ZCRB1: variants seen among roughly 807,000 people sequenced by gnomAD.
The protein encoded by ZCRB1 is zinc finger CCHC-type and RNA binding motif containing 1, also known as zinc finger CCHC-type and RNA-binding motif-containing protein 1.
A neutral mutation model predicts 29.9 loss-of-function variants in ZCRB1; 21 were observed. The observed-to-expected ratio is 0.70, with a 90% CI of 0.50 to 1.01. The LOEUF (loss-of-function observed/expected upper bound fraction) is 1.01. ZCRB1 is among the 50% of genes least tolerant of loss of function. The pLI is 0.00. For missense variants in ZCRB1, 204 were observed against 253.3 expected, an observed-to-expected ratio of 0.81 and a Z score of 1.32; for synonymous variants, 77 against 80.0, an observed-to-expected ratio of 0.96 and a Z score of 0.20.
intron 7 of ZCRB1, 55 bp downstream of exon 7, chr12:42,313,635 C>G (rs3761677): frequency 0.35 from 546,695 of 1,568,012 alleles, 99,348 homozygotes; most frequent in Non-Finnish European, 0.37. Flanking sequence ...AGTAAGCAAG[C>G]ACTATAAACC....
At chr12:42,320,039 A>G (rs1592103436) in intron 3 of ZCRB1, among the ~76,000 whole-genome samples, 1 of 151,936 alleles carries the variant, frequency 6.6e-6, no homozygotes, top group East Asian at 1.9e-4. Flanking sequence ...TGGTAACAGA[A>G]AAAAAAAATT....
In ZCRB1 at chr12:42,317,879, TA is replaced by T. The variant is rs759988364; in HGVS notation, c.132del (p.Asp44GlufsTer28). 1 of 1,613,728 alleles carries T rather than the reference TA, an allele frequency of 6.2e-7. No individual in the cohort carries two copies. The highest frequency in any genetic ancestry group is 2.2e-5 in the East Asian group (1 of 44,828). On this transcript the variant is annotated frameshift_variant, in exon 4 of 8. Coordinates refer to ENST00000266529, the MANE Select transcript of ZCRB1 (RefSeq NM_033114.4). LOFTEE classifies it high-confidence loss of function. ...ACCCCTTTACTCTTCCTGGTATCTT[TA>T]TCTTTCATGATGGTAACCCTTAAAG... ...GKVVKVTIMK[D>X]KDTRKSKGVA...
At chr12:42,321,695 A>C (rs536287812) in intron 3 of ZCRB1, among the ~76,000 whole-genome samples, 175 of 152,376 alleles carry the variant, frequency 1.1e-3, no homozygotes, top group African/African-American at 3.9e-3. Flanking sequence ...ATGGAACACT[A>C]GAAGAAATTA....
At chr12:42,317,998 A>G in intron 3 of ZCRB1, 100 bp from the exon 4 acceptor site, 1 of 872,802 alleles carries the variant, frequency 1.1e-6, no homozygotes, top group East Asian at 2.7e-5. Flanking sequence ...AATTTATAAG[A>G]TAAATTAATA....
In ZCRB1 at chr12:42,313,981, A is replaced by C; in HGVS notation, c.339T>G (p.Ser113Arg). 2.5e-6 allele frequency: 4 copies of C among 1,585,060 alleles called. No individual in the cohort carries two copies. The highest frequency in any genetic ancestry group is 3.4e-6 in the Non-Finnish European group (4 of 1,173,604). The change falls in exon 6 of 8, where the codon AGT becomes AGG. Residue 113 changes from serine to arginine, a missense_variant. Coordinates refer to ENST00000266529, the MANE Select transcript of ZCRB1 (RefSeq NM_033114.4). The part of the protein sequence containing the change: ...DKSKCYECGE[S>R]GHLSYACPKN... ...TCGGACAGGCATAACTTAAGTGTCC[A>C]CTTTCCTTTTGTTTCCCATTAAAAA... is the stretch of plus-strand genomic sequence containing the variant.
intron 1 of ZCRB1, 99 bp from the exon 2 acceptor site, chr12:42,324,203 C>CT: frequency 9.2e-7 from 1 of 1,090,492 alleles, no homozygotes; most frequent in Non-Finnish European, 1.4e-6. Flanking sequence ...GGCTGGGGTG[C>CT]AATGGCGTGA....
rs1189200648 is a variant in ZCRB1, at chr12:42,318,914, G to T, written c.114-1016C>A. On this transcript the variant is annotated intron_variant, in intron 3 of 7. Transcript: ENST00000266529. Reference sequence around the variant, plus strand: ...AAATTATAAGCCACAGAGAAGGTAGGAATTTATAATTCTTACTGATAAAAG... The same window carrying T: ...AAATTATAAGCCACAGAGAAGGTAGTAATTTATAATTCTTACTGATAAAAG... 3.3e-5 allele frequency among the ~76,000 whole-genome samples: 5 copies of T among 152,090 alleles called. No individual in the cohort carries two copies. In the East Asian group the frequency reaches 9.6e-4, roughly 29 times the overall value.
rs201857485 is a variant in ZCRB1, at chr12:42,313,162, G to A, written c.559C>T (p.Pro187Ser). Residue 187 changes from proline (P) to serine (S), a missense_variant, in exon 8 of 8, where the codon CCC becomes TCC. Transcript: ENST00000266529. ...GATGTTGAGGGGACTCCTGAACTGG[G>A]TTTCCATTTTTTTTGTTCTTCTTCA... The part of the protein sequence containing the change: ...KIEEEQKKWK[P>S]SSGVPSTSDD... The A allele has an allele frequency of 3.1e-6, 5 of 1,610,974 alleles. No homozygotes were observed. The East Asian group carries it at 1.1e-4, about 36-fold the overall frequency.
Position 42,312,095 on chromosome 12 carries a change from A to G in ZCRB1, c.*972T>C, listed in dbSNP as rs2068572137. 6.6e-6 allele frequency: 1 copy of G among 152,266 alleles called. No individual in the cohort carries two copies. The highest frequency in any genetic ancestry group is 3.4e-3 in the Middle Eastern group (1 of 294). 9.4% of individuals were successfully genotyped at this position (152,266 alleles called of 1,614,324 possible). Reference sequence around the variant, plus strand: ...ACACAAGATTTTATAATGAAATTTCAAATATCTTTTTAATATATTTTTTCT... The same window carrying G: ...ACACAAGATTTTATAATGAAATTTCGAATATCTTTTTAATATATTTTTTCT... On this transcript the variant is annotated 3_prime_UTR_variant, in exon 8 of 8. Coordinates refer to ENST00000266529, the MANE Select transcript of ZCRB1 (RefSeq NM_033114.4).
intron 3 of ZCRB1, among the ~76,000 whole-genome samples, chr12:42,321,407 AGAT>A (rs1159926462): frequency 6.6e-6 from 1 of 152,230 alleles, no homozygotes; most frequent in African/African-American, 2.4e-5. Flanking sequence ...TATAATACTG[AGAT>A]GATAATAGTA....
chr12:42,313,932 G>T lies in ZCRB1; in HGVS notation c.388C>A (p.Pro130Thr), dbSNP rs201228966. Residue 130 changes from proline to threonine, a missense_variant, in exon 6 of 8, where the codon CCT (proline) becomes ACT (threonine). Coordinates refer to ENST00000266529, the MANE Select transcript of ZCRB1 (RefSeq NM_033114.4). The stretch of plus-strand genomic sequence containing the variant: ...TTCTTTTTTTCTTTCTTCTTTGGAG[G>T]CTCACGTTCTCCGAGCATATTTTTC... ...CPKNMLGERE[P>T]PKKKEKKKKK... 6.2e-7 allele frequency: 1 copy of T among 1,604,454 alleles called. No homozygotes were observed.
At chr12:42,323,974 G>T in intron 2 of ZCRB1, 45 bp downstream of exon 2, 2 of 1,508,134 alleles carry the variant, frequency 1.3e-6, no homozygotes, top group Non-Finnish European at 1.8e-6. Context: ...TTTGCTTAAG[G>T]TTATCTGTAT....
At chr12:42,317,211 A>G (rs2068598775) in intron 5 of ZCRB1, 129 bp downstream of exon 5, 2 of 627,410 alleles carry the variant, frequency 3.2e-6, no homozygotes, top group Non-Finnish European at 5.2e-6. Context: ...AAAAAAATAA[A>G]TATTAAAAAA....
rs202231010 is a variant in ZCRB1, at chr12:42,322,450, A to C, written c.85-4T>G. 2.7e-6 allele frequency: 4 copies of C among 1,490,854 alleles called. No individual in the cohort carries two copies. The highest frequency in any genetic ancestry group is 2.7e-6 in the Non-Finnish European group (3 of 1,104,950). The allele number at this position is 1,490,854 out of a possible 1,614,324, so 92.4% of individuals were successfully genotyped here. On this transcript the variant is annotated splice_polypyrimidine_tract_variant and splice_region_variant and intron_variant, in intron 2 of 7. Transcript: ENST00000266529. ...CTTTGCCATACTTGGAAAATATCTG[A>C]AACAAAAGACCAAATATTTACAATT...
chr12:42,317,502 ATTAT>A (rs907504553), intron 4 of ZCRB1, 55 bp from the exon 5 acceptor site: 6 of 1,375,428 alleles, frequency 4.4e-6, no homozygotes, highest in African/African-American at 2.9e-5. Flanking sequence ...CCTAAAATTA[ATTAT>A]TTAATCAATT....
Position 42,324,161 on chromosome 12 carries a change from T to C in ZCRB1, c.-2-57A>G, listed in dbSNP as rs888073254. ...GTCTAAACCAGGATTCTTTTTTTGTTGTTTGAGACGGAGTTTCCCTCTTGT... is the reference window on the plus strand; with the variant it reads ...GTCTAAACCAGGATTCTTTTTTTGTCGTTTGAGACGGAGTTTCCCTCTTGT... On this transcript the variant is annotated intron_variant, in intron 1 of 7. Coordinates refer to ENST00000266529, the MANE Select transcript of ZCRB1 (RefSeq NM_033114.4). 123 of 1,520,152 alleles carry C rather than the reference T, an allele frequency of 8.1e-5. 1 individual carries two copies. The South Asian group carries it at 1.4e-3, about 17-fold the overall frequency. The allele number at this position is 1,520,152 out of a possible 1,614,324, so 94.2% of individuals were successfully genotyped here.
chr12:42,317,030 G>A (rs1042204467), intron 5 of ZCRB1, among the ~76,000 whole-genome samples: 9 of 152,030 alleles, frequency 5.9e-5, no homozygotes, highest in African/African-American at 2.4e-5. Context: ...AACATAGGAA[G>A]ACCCTGCCTC....
intron 5 of ZCRB1, among the ~76,000 whole-genome samples, chr12:42,316,025 A>T (rs2068593004): frequency 6.6e-6 from 1 of 152,120 alleles, no homozygotes; most frequent in South Asian, 2.1e-4. Flanking sequence ...CCAGGACGGT[A>T]TCTTTCAGTG....
rs1327935726 is a variant in ZCRB1, at chr12:42,317,393, C to T, written c.280G>A (p.Glu94Lys). 1.2e-6 allele frequency: 2 copies of T among 1,613,022 alleles called. No homozygotes were observed. Among genetic ancestry groups the T allele is most frequent in the East Asian group, 2.2e-5 (1 of 44,806 alleles). Residue 94 changes from glutamate (E) to lysine (K), a missense_variant, in exon 5 of 8, where the codon GAG becomes AAG. Glu to Lys is a moderately conservative substitution (Grantham distance 56, BLOSUM62 1). Coordinates refer to ENST00000266529, the MANE Select transcript of ZCRB1 (RefSeq NM_033114.4). ...AAGTAGTTTCGCCTTCGGATGAACT[C>T]AGCTGCTCTTCCATTGTCAATAGCA... ...SIAIDNGRAA[E>K]FIRRRNYFDK...
Sources: allele counts gnomAD v4.1 joint callset (sites outside exome capture counted in the v4.1 genomes callset), GRCh38; gene constraint gnomAD v4.1.1; transcripts MANE v1.5; gene names NCBI Gene and HGNC (gene_info 2026-07-23, HGNC 2026-07-21).